Variants in EIF5B observed in about 807,000 individuals in gnomAD.
EIF5B encodes the protein eukaryotic translation initiation factor 5B.
EIF5B carries 47 observed loss-of-function variants against 147.5 expected under a neutral mutation model. The observed-to-expected ratio is 0.32, with a 90% CI of 0.25 to 0.41. The LOEUF (loss-of-function observed/expected upper bound fraction) is 0.41. Among genes scored for constraint, EIF5B ranks in the 10% least tolerant of loss-of-function variants. The pLI, the probability that EIF5B is intolerant of heterozygous loss-of-function variation, is 1.00. For synonymous variants in EIF5B, 455 were observed against 456.2 expected (o/e 1.00, Z 0.03); for missense variants, 1,064 against 1,413.2 (o/e 0.75, Z 3.96).
At chr2:99,389,558 TAAG>T in intron 14 of EIF5B, 157 bp from the exon 15 acceptor site, 1 of 515,412 alleles carries the variant, frequency 1.9e-6, no homozygotes, top group South Asian at 6.1e-5. Flanking sequence ...CAGGTGCCGA[TAAG>T]CAGTCTGAAA....
At chr2:99,378,768 C>T (rs1674614927) in intron 10 of EIF5B, among the ~76,000 whole-genome samples, 1 of 152,158 alleles carries the variant, frequency 6.6e-6, no homozygotes, top group Non-Finnish European at 1.5e-5. Flanking sequence ...TGAAATGACA[C>T]TTTACAATAT....
intron 4 of EIF5B, 132 bp from the exon 5 acceptor site, chr2:99,363,513 T>C: frequency 6.9e-6 from 6 of 872,786 alleles, no homozygotes; most frequent in Non-Finnish European, 1.1e-5. Flanking sequence ...CCTTGATGCC[T>C]GTAGAACTTA....
At position 99,361,684 on chromosome 2, in the gene EIF5B, A is replaced by G. The variant is rs774553932; in HGVS notation, c.783A>G (p.Thr261=). The change falls in exon 4 of 24, where the codon ACA becomes ACG. Residue 261 remains threonine (T), a synonymous_variant. Transcript: ENST00000289371. ...TGAAAGAAAAAGAAGAGTTAGAAAC[A>G]GGTAAAAAGGATCAGAGTAAACAAA... ...RKLKEKEELE[T]GKKDQSKQKE... is the part of the protein sequence containing the mutation. 8 of 1,601,058 alleles carry G rather than the reference A, an allele frequency of 5.0e-6. No individual in the cohort carries two copies. The South Asian group carries it at 6.9e-5, about 14-fold the overall frequency.
chr2:99,360,130 C>T (rs1442371216), intron 1 of EIF5B, 106 bp from the exon 2 acceptor site: 16 of 1,323,154 alleles, frequency 1.2e-5, no homozygotes, highest in Non-Finnish European at 1.5e-5. Flanking sequence ...TGATTTTTCT[C>T]ATTGTGCTGC....
In EIF5B at chr2:99,345,445, T is replaced by C. The variant is rs139057481; in HGVS notation, c.35+7856T>C. Among the ~76,000 whole-genome samples, 412 of 151,910 alleles carry C rather than the reference T, an allele frequency of 2.7e-3. 2 individuals carry two copies. The highest frequency in any genetic ancestry group is 9.3e-3 in the African/African-American group (384 of 41,388). Reference sequence around the variant, plus strand: ...CCGTCTCTACTAAAAATACAAAAAATTAGCCAGGTGTGGTGGTGCATGCCT... The same window carrying C: ...CCGTCTCTACTAAAAATACAAAAAACTAGCCAGGTGTGGTGGTGCATGCCT... On this transcript the variant is annotated intron_variant, in intron 1 of 23. Transcript: ENST00000289371.
At chr2:99,390,829 C>G (rs552749602) in intron 17 of EIF5B, 124 bp downstream of exon 17, 2 of 1,059,384 alleles carry the variant, frequency 1.9e-6, no homozygotes, top group South Asian at 4.4e-5. Flanking sequence ...CCCTCGCTCT[C>G]CCTTTTATTT....
chr2:99,356,557 A>G (rs936427312), intron 1 of EIF5B, among the ~76,000 whole-genome samples: 2 of 152,072 alleles, frequency 1.3e-5, no homozygotes, highest in African/African-American at 2.4e-5. Flanking sequence ...TGTTGCTCCC[A>G]TTGCCCATTG....
intron 14 of EIF5B, among the ~76,000 whole-genome samples, chr2:99,387,236 T>C (rs1674830051): frequency 6.6e-6 from 1 of 152,198 alleles, no homozygotes; most frequent in Admixed American, 6.5e-5. Flanking sequence ...ATTTGTGTTC[T>C]ATGTAAGTAA....
At chr2:99,353,293 G>A (rs1472804608) in intron 1 of EIF5B, among the ~76,000 whole-genome samples, 4 of 152,042 alleles carry the variant, frequency 2.6e-5, no homozygotes, top group African/African-American at 7.2e-5. Flanking sequence ...GATTACAGGC[G>A]TGAGCCCCCG....
intron 7 of EIF5B, among the ~76,000 whole-genome samples, 198 bp downstream of exon 7, chr2:99,368,789 T>C (rs1403901557): frequency 1.3e-5 from 2 of 152,254 alleles, no homozygotes; most frequent in African/African-American, 4.8e-5. Context: ...TATTTTACTT[T>C]GAAAAATCTG....
intron 3 of EIF5B, among the ~76,000 whole-genome samples, 163 bp from the exon 4 acceptor site, chr2:99,360,985 C>A (rs1205505044): frequency 3.9e-5 from 6 of 152,188 alleles, no homozygotes; most frequent in Admixed American, 6.5e-5. Flanking sequence ...AGGCCAAGGC[C>A]AACCTCTCTT....
chr2:99,398,990 G>A, intron 23 of EIF5B, 81 bp downstream of exon 23: 1 of 1,474,894 alleles, frequency 6.8e-7, no homozygotes, highest in Non-Finnish European at 9.2e-7. Flanking sequence ...TAGCTCCTTG[G>A]GCTTCAGTTT....
chr2:99,337,737 C>T, intron 1 of EIF5B, 148 bp downstream of exon 1: 1 of 1,090,456 alleles, frequency 9.2e-7, no homozygotes, highest in Middle Eastern at 3.1e-4. Flanking sequence ...CGGAGCGGGC[C>T]CAAGCCCCCG....
rs573901341 is a variant in EIF5B, at chr2:99,365,469, G to A, written c.1288+1048G>A. On this transcript the variant is annotated intron_variant, in intron 6 of 23. Transcript: ENST00000289371. ...ATTCTTAATGGAGAATATAGCTTTTGTAAAATTTTAAATGAAATTAGGTAC... is the reference window on the plus strand; with the variant it reads ...ATTCTTAATGGAGAATATAGCTTTTATAAAATTTTAAATGAAATTAGGTAC... Among the ~76,000 whole-genome samples the A allele has an allele frequency of 9.9e-5, 15 of 152,248 alleles. No homozygotes were observed. In the East Asian group the frequency reaches 1.5e-3, roughly 16 times the overall value.
intron 1 of EIF5B, among the ~76,000 whole-genome samples, chr2:99,347,227 G>C (rs975463218): frequency 2.6e-5 from 4 of 151,800 alleles, no homozygotes; most frequent in African/African-American, 9.7e-5. Flanking sequence ...GGCTGGTTTT[G>C]AACTCCTGAA....
At chr2:99,398,218 TA>T (rs1397751345) in intron 22 of EIF5B, 1 of 152,458 alleles carries the variant, frequency 6.6e-6, no homozygotes, top group Non-Finnish European at 1.5e-5. Context: ...TTTGGCCTCC[TA>T]AACCAACCAG....
At chr2:99,352,895 G>A (rs1314223716) in intron 1 of EIF5B, among the ~76,000 whole-genome samples, 3 of 151,260 alleles carry the variant, frequency 2.0e-5, no homozygotes, top group Non-Finnish European at 4.4e-5. Context: ...CACAATCATG[G>A]CTCATCATAG....
intron 12 of EIF5B, among the ~76,000 whole-genome samples, chr2:99,380,656 G>C (rs578250117): frequency 8.5e-5 from 13 of 152,176 alleles, no homozygotes; most frequent in Non-Finnish European, 1.6e-4. Flanking sequence ...GAAGCAGTAA[G>C]TTGAAAAACA....
intron 9 of EIF5B, among the ~76,000 whole-genome samples, chr2:99,374,104 T>A (rs2104210689): frequency 6.6e-6 from 1 of 152,190 alleles, no homozygotes; most frequent in East Asian, 1.9e-4. Flanking sequence ...GCCTGGCCAA[T>A]GTGGCAAAAC....
Sources: allele counts gnomAD v4.1 joint callset (sites outside exome capture counted in the v4.1 genomes callset), GRCh38; gene constraint gnomAD v4.1.1; transcripts MANE v1.5; gene names NCBI Gene and HGNC (gene_info 2026-07-23, HGNC 2026-07-21).